Variants in UBAC2 observed in about 807,000 individuals in gnomAD.
UBAC2 encodes the protein ubiquitin-associated domain-containing protein 2.
Under a neutral mutation model 44.0 loss-of-function variants are expected in UBAC2, and 26 were observed. That is an observed-to-expected ratio of 0.59 (90% CI 0.43 to 0.82). The LOEUF is 0.82. Among genes scored for constraint, UBAC2 ranks in the 40% least tolerant of loss-of-function variants. The pLI is 0.00. For synonymous variants in UBAC2, 155 were observed against 154.3 expected, an observed-to-expected ratio of 1.00 and a Z score of -0.04; for missense variants, 329 against 419.4, an observed-to-expected ratio of 0.78 and a Z score of 1.88.
At chr13:99,309,152 C>G (rs2044378535) in intron 4 of UBAC2, among the ~76,000 whole-genome samples, 2 of 151,992 alleles carry the variant, frequency 1.3e-5, no homozygotes, top group Non-Finnish European at 2.9e-5. Flanking sequence ...CTCGCTCTCA[C>G]CAGGCTGGAG....
intron 6 of UBAC2, among the ~76,000 whole-genome samples, chr13:99,335,275 A>C (rs953086015): frequency 6.6e-6 from 1 of 152,278 alleles, no homozygotes; most frequent in African/African-American, 2.4e-5. Context: ...ACATTTTGCT[A>C]TCTTCTGCTG....
intron 4 of UBAC2, among the ~76,000 whole-genome samples, chr13:99,253,118 G>A (rs958162079): frequency 6.7e-6 from 1 of 149,924 alleles, no homozygotes; most frequent in South Asian, 2.1e-4. Flanking sequence ...ATCTATAAAG[G>A]TACTTTATGT....
At chr13:99,234,281 C>G (rs981949872) in intron 1 of UBAC2, 8 of 248,456 alleles carry the variant, frequency 3.2e-5, no homozygotes, top group Non-Finnish European at 6.9e-5. Context: ...CTTCCAGGTT[C>G]AAGCGATTCA....
intron 4 of UBAC2, among the ~76,000 whole-genome samples, chr13:99,307,686 A>G (rs1215835734): frequency 1.3e-5 from 2 of 152,214 alleles, no homozygotes; most frequent in Non-Finnish European, 2.9e-5. Context: ...TCTTTGAAAG[A>G]GACTGAAGCA....
intron 2 of UBAC2, among the ~76,000 whole-genome samples, chr13:99,242,680 G>A (rs1313641338): frequency 5.5e-4 from 1 of 1,822 alleles, no homozygotes; most frequent in African/African-American, 2.1e-3. Flanking sequence ...CCGGGCGGGG[G>A]GCTGACCCCC....
intron 4 of UBAC2, among the ~76,000 whole-genome samples, chr13:99,279,749 G>C (rs965322774): frequency 2.6e-5 from 4 of 152,192 alleles, no homozygotes; most frequent in African/African-American, 9.7e-5. Context: ...CTGTCTTTTC[G>C]TGGTGTCCTC....
At chr13:99,251,422 A>C (rs1257647979) in intron 4 of UBAC2, among the ~76,000 whole-genome samples, 1 of 152,142 alleles carries the variant, frequency 6.6e-6, no homozygotes, top group Non-Finnish European at 1.5e-5. Flanking sequence ...AGTAATTCAA[A>C]GTCCTAAATG....
intron 7 of UBAC2, among the ~76,000 whole-genome samples, chr13:99,351,139 T>C (rs956728082): frequency 6.6e-6 from 1 of 152,158 alleles, no homozygotes; most frequent in East Asian, 1.9e-4. Context: ...ACTGTTGTCA[T>C]TGGGGATAAA....
chr13:99,263,296 C>G (rs538151908), intron 4 of UBAC2, among the ~76,000 whole-genome samples: 14 of 152,316 alleles, frequency 9.2e-5, no homozygotes, highest in Non-Finnish European at 1.9e-4. Flanking sequence ...ATCCTGGCAG[C>G]TCGTACATGT....
At chr13:99,308,459 A>G (rs189274415) in intron 4 of UBAC2, among the ~76,000 whole-genome samples, 8 of 152,354 alleles carry the variant, frequency 5.3e-5, no homozygotes, top group Non-Finnish European at 2.9e-5. Flanking sequence ...GTTACTGGAC[A>G]TAGCTTTTGG....
chr13:99,276,644 A>G (rs72648098), intron 4 of UBAC2, among the ~76,000 whole-genome samples: 12,388 of 152,036 alleles, frequency 0.081, 578 homozygotes, highest in East Asian at 0.13. Context: ...CCACCACCCC[A>G]CTTCCTGGAG....
intron 4 of UBAC2, among the ~76,000 whole-genome samples, chr13:99,265,052 CATT>C (rs2043723924): frequency 6.6e-6 from 1 of 150,832 alleles, no homozygotes; most frequent in Non-Finnish European, 1.5e-5. Context: ...CTCTTGGAGA[CATT>C]ATAATCAACC....
At chr13:99,201,805 C>T (rs2042804630) in intron 1 of UBAC2, among the ~76,000 whole-genome samples, 1 of 152,216 alleles carries the variant, frequency 6.6e-6, no homozygotes, top group Non-Finnish European at 1.5e-5. Context: ...GGCGCGGTGG[C>T]TCACGCCTGT....
In UBAC2 at chr13:99,347,321, C is replaced by CA. The variant is rs1491337756; in HGVS notation, c.807+6756_807+6757insA. ...TTCAGACGTTACTATCCCCGGGCGC[C>CA]CCCCCCCCCCCCCAGGAAAAAAAAG... On this transcript the variant is annotated intron_variant, in intron 7 of 8. Transcript: ENST00000403766. 8.8e-4 allele frequency among the ~76,000 whole-genome samples: 10 copies of CA among 11,400 alleles called. 1 individual carries two copies. Among genetic ancestry groups the CA allele is most frequent in the Non-Finnish European group, 2.3e-3 (8 of 3,464 alleles). 7.5% of individuals were successfully genotyped at this position (11,400 alleles called of 152,430 possible). A position where few individuals can be genotyped will look rare whatever the true frequency, so the allele number is the denominator to read the frequency against.
chr13:99,220,887 T>TA (rs566586162), intron 1 of UBAC2, among the ~76,000 whole-genome samples: 1 of 152,146 alleles, frequency 6.6e-6, no homozygotes, highest in African/African-American at 2.4e-5. Context: ...TTTTTTTTGG[T>TA]AAAAAATTAA....
At chr13:99,299,290 A>C (rs1343891719) in intron 4 of UBAC2, among the ~76,000 whole-genome samples, 1 of 152,262 alleles carries the variant, frequency 6.6e-6, no homozygotes, top group Non-Finnish European at 1.5e-5. Context: ...ATTTTATGGC[A>C]TAGCCATACA....
chr13:99,345,469 G>A (rs2044960698), intron 7 of UBAC2, among the ~76,000 whole-genome samples: 1 of 150,878 alleles, frequency 6.6e-6, no homozygotes, highest in Non-Finnish European at 1.5e-5. Context: ...TCTGGATCGA[G>A]CTCTCCTTCC....
At position 99,318,002 on chromosome 13, in the gene UBAC2, CT is replaced by C. The variant is rs761864458; in HGVS notation, c.514-10del. 856 of 1,400,674 alleles carry C rather than the reference CT, an allele frequency of 6.1e-4. 1 individual carries two copies. The highest frequency in any genetic ancestry group is 2.1e-3 in the Admixed American group (107 of 50,074). The allele number at this position is 1,400,674 out of a possible 1,614,324, so 86.8% of individuals were successfully genotyped here. The stretch of plus-strand genomic sequence containing the variant: ...GCAGTTGAATTTTATTTTTAGTTGC[CT>C]TTTTTTTTTCTTTTATAGCTTTTCA... On this transcript the variant is annotated intron_variant, in intron 5 of 8. Coordinates refer to ENST00000403766, the MANE Select transcript of UBAC2 (RefSeq NM_001144072.2).
chr13:99,292,718 G>GTTTT lies in UBAC2; in HGVS notation c.390-21371_390-21368dup, dbSNP rs34731765. 2.6e-4 allele frequency among the ~76,000 whole-genome samples: 39 copies of GTTTT among 148,096 alleles called. 1 individual carries two copies. Among genetic ancestry groups the GTTTT allele is most frequent in the Non-Finnish European group, 3.3e-4 (22 of 67,214 alleles). On this transcript the variant is annotated intron_variant, in intron 4 of 8. Coordinates refer to ENST00000403766, the MANE Select transcript of UBAC2 (RefSeq NM_001144072.2). ...TGATCCAAACTAAATAGCTTTGAGG[G>GTTTT]TTTTTTTTTTTAATGTGGTCAACTG... is the stretch of plus-strand genomic sequence containing the variant.
Sources: allele counts gnomAD v4.1 joint callset (sites outside exome capture counted in the v4.1 genomes callset), GRCh38; gene constraint gnomAD v4.1.1; transcripts MANE v1.5; gene names NCBI Gene and HGNC (gene_info 2026-07-23, HGNC 2026-07-21).